SYBU: variants seen among roughly 807,000 people sequenced by gnomAD.
The protein encoded by SYBU is syntabulin, also known as GOLSYN A protein.
Under a neutral mutation model 35.9 loss-of-function variants are expected in SYBU, and 21 were observed. That is an observed-to-expected ratio of 0.58 (90% CI 0.41 to 0.84). The LOEUF (loss-of-function observed/expected upper bound fraction) is 0.84. Among genes scored for constraint, SYBU ranks in the 40% least tolerant of loss-of-function variants. SYBU has a pLI of 0.00. For synonymous variants in SYBU, 319 were observed against 324.3 expected (o/e 0.98, Z 0.18); for missense variants, 768 against 848.2 (o/e 0.91, Z 1.17).
chr8:109,631,140 C>G (rs1813582573), intron 2 of SYBU, among the ~76,000 whole-genome samples: 1 of 152,018 alleles, frequency 6.6e-6, no homozygotes, highest in Admixed American at 6.6e-5. Flanking sequence ...TGAAGAGGAG[C>G]AGAGAAACAG....
At chr8:109,599,065 G>C (rs1825213254) in intron 3 of SYBU, among the ~76,000 whole-genome samples, 1 of 152,160 alleles carries the variant, frequency 6.6e-6, no homozygotes, top group African/African-American at 2.4e-5. Flanking sequence ...CCCACCCAAA[G>C]TGTTTGCTTG....
In SYBU at chr8:109,584,135, G is replaced by A. The variant is rs986977808; in HGVS notation, c.530+1925C>T. 6.6e-6 allele frequency among the ~76,000 whole-genome samples: 1 copy of A among 152,086 alleles called. No individual in the cohort carries two copies. Among genetic ancestry groups the A allele is most frequent in the African/African-American group, 2.4e-5 (1 of 41,420 alleles). ...TGCATGGCTGAGATTTTTAAAAACTGAGGATAATGGATAGAACACTGCCAT... is the reference window on the plus strand; with the variant it reads ...TGCATGGCTGAGATTTTTAAAAACTAAGGATAATGGATAGAACACTGCCAT... On this transcript the variant is annotated intron_variant, in intron 4 of 6. Coordinates refer to ENST00000276646, the MANE Select transcript of SYBU (RefSeq NM_001099754.2). This position sits in a 1 kb window ranked among gnomAD's most constrained non-coding sequence, Gnocchi z 4.0.
intron 2 of SYBU, among the ~76,000 whole-genome samples, chr8:109,621,546 G>A (rs1304020544): frequency 6.6e-6 from 1 of 152,166 alleles, no homozygotes; most frequent in Non-Finnish European, 1.5e-5. Context: ...TGTTGGGGGG[G>A]CAATACTAGG....
Position 109,591,080 on chromosome 8 carries a change from G to A in SYBU, c.428-4918C>T, listed in dbSNP as rs1426012523. Among the ~76,000 whole-genome samples, 7 of 152,104 alleles carry A rather than the reference G, an allele frequency of 4.6e-5. No individual in the cohort carries two copies. In the South Asian group the frequency reaches 8.3e-4, roughly 18 times the overall value. On this transcript the variant is annotated intron_variant, in intron 3 of 6. Coordinates refer to ENST00000276646, the MANE Select transcript of SYBU (RefSeq NM_001099754.2). Reference sequence around the variant, plus strand: ...CAAAAAGACAACCTAGTTGTCCATCGACAGTGACTGGTTAAATCAGGTGGT... The same window carrying A: ...CAAAAAGACAACCTAGTTGTCCATCAACAGTGACTGGTTAAATCAGGTGGT...
intron 3 of SYBU, among the ~76,000 whole-genome samples, chr8:109,604,132 G>A (rs1825828399): frequency 6.6e-6 from 1 of 151,938 alleles, no homozygotes; most frequent in South Asian, 2.1e-4. Context: ...TCCTAGACAG[G>A]TTCACATTCT....
chr8:109,620,465 A>G (rs758726217), intron 2 of SYBU, among the ~76,000 whole-genome samples: 24 of 152,218 alleles, frequency 1.6e-4, no homozygotes, highest in Non-Finnish European at 1.0e-4. Context: ...CTAAAGAAAG[A>G]ATTACCATTG....
chr8:109,685,445 A>G (rs187889974), upstream of SYBU, among the ~76,000 whole-genome samples: 1 of 152,340 alleles, frequency 6.6e-6, no homozygotes, highest in Admixed American at 6.5e-5. Flanking sequence ...GCATTTAACA[A>G]ATACTTTTTG....
chr8:109,617,011 C>T (rs1266345880), intron 3 of SYBU, among the ~76,000 whole-genome samples: 1 of 152,118 alleles, frequency 6.6e-6, no homozygotes, highest in African/African-American at 2.4e-5. Flanking sequence ...TGGCGCTTGC[C>T]TGTAGTCCCA....
intron 3 of SYBU, among the ~76,000 whole-genome samples, chr8:109,593,973 G>A (rs73317058): frequency 0.032 from 4,926 of 152,234 alleles, 255 homozygotes; most frequent in African/African-American, 0.11. Context: ...CTTGTACATG[G>A]GACTTATCTT....
intron 3 of SYBU, among the ~76,000 whole-genome samples, chr8:109,610,110 G>C (rs1165233997): frequency 6.6e-5 from 10 of 152,020 alleles, no homozygotes; most frequent in Non-Finnish European, 1.5e-4. Context: ...CCCTCCTTAA[G>C]CACGGAACAA....
At chr8:109,580,614 T>C (rs1822915947) in intron 4 of SYBU, 1 of 153,114 alleles carries the variant, frequency 6.5e-6, no homozygotes, top group African/African-American at 2.4e-5. Context: ...TGAAATACTG[T>C]AACAGCCCCA....
intron 2 of SYBU, among the ~76,000 whole-genome samples, chr8:109,639,482 TC>T (rs1269817236): frequency 1.3e-5 from 2 of 152,230 alleles, no homozygotes; most frequent in Non-Finnish European, 2.9e-5. Context: ...GGTGACACCT[TC>T]CTCTATAATT....
chr8:109,652,316 T>A (rs1175624292), intron 1 of SYBU, among the ~76,000 whole-genome samples: 1 of 151,634 alleles, frequency 6.6e-6, no homozygotes, highest in Non-Finnish European at 1.5e-5. Flanking sequence ...CTCTTTATTG[T>A]TCCTCTCCTC....
Position 109,691,539 on chromosome 8 carries a change from G to A in SYBU, c.-264C>T. The A allele has an allele frequency of 2.1e-6, 1 of 469,956 alleles. No homozygotes were observed. Among genetic ancestry groups the A allele is most frequent in the Non-Finnish European group, 3.7e-6 (1 of 269,656 alleles). 29.1% of individuals were successfully genotyped at this position (469,956 alleles called of 1,614,324 possible). ...CACGTGGTGCCGCGGAATCCCTTGC[G>A]CTCCGGTGCCCTCGGCCCCTCGGCC... is the stretch of plus-strand genomic sequence containing the variant. On this transcript the variant is annotated 5_prime_UTR_variant, in exon 1 of 8. Transcript: ENST00000422135. This position sits in a 1 kb window ranked among gnomAD's most constrained non-coding sequence, Gnocchi z 4.7.
At chr8:109,635,765 A>G (rs1426677473) in intron 2 of SYBU, among the ~76,000 whole-genome samples, 1 of 152,126 alleles carries the variant, frequency 6.6e-6, no homozygotes, top group East Asian at 1.9e-4. Flanking sequence ...AAGCAGGCAG[A>G]CTCCAGTCAC....
chr8:109,591,133 C>T (rs1452831843), intron 3 of SYBU, among the ~76,000 whole-genome samples: 1 of 152,132 alleles, frequency 6.6e-6, no homozygotes, highest in Non-Finnish European at 1.5e-5. Context: ...GAATACTCCG[C>T]CATCGTGAAA....
At chr8:109,678,768 A>G (rs1817295748) in intron 1 of SYBU, among the ~76,000 whole-genome samples, 1 of 152,168 alleles carries the variant, frequency 6.6e-6, no homozygotes, top group African/African-American at 2.4e-5. Flanking sequence ...ATGCAGGAAG[A>G]CAATTCTTAC....
At chr8:109,653,805 T>C (rs1438701533) in intron 1 of SYBU, among the ~76,000 whole-genome samples, 1 of 152,144 alleles carries the variant, frequency 6.6e-6, no homozygotes, top group Non-Finnish European at 1.5e-5. Context: ...TCCAAACCTA[T>C]AAATTCACCT....
chr8:109,620,186 T>C (rs1812262982), intron 2 of SYBU, among the ~76,000 whole-genome samples: 1 of 152,232 alleles, frequency 6.6e-6, no homozygotes, highest in Non-Finnish European at 1.5e-5. Flanking sequence ...AAAGTACATC[T>C]ACTCAAACTG....
Sources: allele counts gnomAD v4.1 joint callset (sites outside exome capture counted in the v4.1 genomes callset), GRCh38; gene constraint gnomAD v4.1.1; non-coding constraint Gnocchi (gnomAD v3.1); transcripts MANE v1.5; gene names NCBI Gene and HGNC (gene_info 2026-07-23, HGNC 2026-07-21).